The following RAB11FIP4 variants were observed in gnomAD, a reference collection of about 807,000 sequenced individuals.
RAB11FIP4 encodes the protein RAB11 family interacting protein 4.
RAB11FIP4 carries 23 observed loss-of-function variants against 74.3 expected under a neutral mutation model. The observed-to-expected ratio is 0.31, with a 90% CI of 0.22 to 0.44. RAB11FIP4 has a LOEUF of 0.44. Ranked by LOEUF, RAB11FIP4 falls within the 20% of genes least tolerant of loss-of-function variation. The pLI is 1.00. For missense variants in RAB11FIP4, 630 were observed against 863.9 expected (o/e 0.73, Z 3.39); for synonymous variants, 360 against 359.9 (o/e 1.00, Z 0.00).
chr17:31,431,681 C>G (rs767953594), intron 1 of RAB11FIP4, 132 bp from the exon 2 acceptor site: 5 of 710,188 alleles, frequency 7.0e-6, no homozygotes, highest in East Asian at 6.1e-5. Flanking sequence ...TGATACTGAC[C>G]CCAGGGTGAG....
rs1163318493 is a variant in RAB11FIP4, at chr17:31,536,061, A to G, written c.*4329A>G. 6.6e-6 allele frequency: 1 copy of G among 151,478 alleles called. No homozygotes were observed. The highest frequency in any genetic ancestry group is 1.5e-5 in the Non-Finnish European group (1 of 67,938). The allele number at this position is 151,478 out of a possible 1,614,324, so 9.4% of individuals were successfully genotyped here. ...TTGGGGGGGGGGGGCGCGGGGACAGAAGCGCGGGTTCTTGGTTCCAATGAG... is the reference window on the plus strand; with the variant it reads ...TTGGGGGGGGGGGGCGCGGGGACAGGAGCGCGGGTTCTTGGTTCCAATGAG... On this transcript the variant is annotated 3_prime_UTR_variant, in exon 15 of 15. Transcript: ENST00000621161.
In RAB11FIP4 at chr17:31,537,017, T is replaced by C; in HGVS notation, c.*5285T>C. ...CTGGGGATGGCATCCAGGCCATGTC[T>C]CCTGCAGGATCCAAGTGCTGTTGTC... On this transcript the variant is annotated 3_prime_UTR_variant, in exon 15 of 15. Coordinates refer to ENST00000621161, the MANE Select transcript of RAB11FIP4 (RefSeq NM_032932.6). 5.0e-6 allele frequency: 2 copies of C among 399,316 alleles called. No homozygotes were observed. The highest frequency in any genetic ancestry group is 8.8e-6 in the Non-Finnish European group (2 of 226,224). 24.7% of individuals were successfully genotyped at this position (399,316 alleles called of 1,614,324 possible).
At position 31,533,119 on chromosome 17, in the gene RAB11FIP4, T is replaced by G. The variant is rs901767710; in HGVS notation, c.*1387T>G. 1.8e-4 allele frequency: 28 copies of G among 152,200 alleles called. No homozygotes were observed. The highest frequency in any genetic ancestry group is 2.5e-4 in the Non-Finnish European group (17 of 68,050). The allele number at this position is 152,200 out of a possible 1,614,324, so 9.4% of individuals were successfully genotyped here. On this transcript the variant is annotated 3_prime_UTR_variant, in exon 15 of 15. Transcript: ENST00000621161. ...TATGAGAAGGAAGGTTTGGGCATGTTGGGAAGGGCGGTGGAGGGGGAGTTG... is the reference window on the plus strand; with the variant it reads ...TATGAGAAGGAAGGTTTGGGCATGTGGGGAAGGGCGGTGGAGGGGGAGTTG...
rs180937897 is a variant in RAB11FIP4, at chr17:31,524,983, A to G, written c.1134-107A>G. On this transcript the variant is annotated intron_variant, in intron 9 of 14. Coordinates refer to ENST00000621161, the MANE Select transcript of RAB11FIP4 (RefSeq NM_032932.6). Reference sequence around the variant, plus strand: ...CTACTGGCCCACACGCCCTCAGTGGACATGCCAGTGACTCAGGGTCTCGGG... The same window carrying G: ...CTACTGGCCCACACGCCCTCAGTGGGCATGCCAGTGACTCAGGGTCTCGGG... 695 of 1,351,802 alleles carry G rather than the reference A, an allele frequency of 5.1e-4. 1 individual carries two copies. In the Middle Eastern group the frequency reaches 6.5e-3, roughly 13 times the overall value. The allele number at this position is 1,351,802 out of a possible 1,614,324, so 83.7% of individuals were successfully genotyped here. A position where few individuals can be genotyped will look rare whatever the true frequency, so the allele number is the denominator to read the frequency against.
chr17:31,513,352 C>T (rs2072487374), intron 3 of RAB11FIP4, among the ~76,000 whole-genome samples: 1 of 152,226 alleles, frequency 6.6e-6, no homozygotes, highest in African/African-American at 2.4e-5. Flanking sequence ...AAGAAGAGTC[C>T]TAGTATGCTT....
intron 1 of RAB11FIP4, among the ~76,000 whole-genome samples, chr17:31,424,005 G>A (rs1400577266): frequency 6.6e-6 from 1 of 152,040 alleles, no homozygotes; most frequent in Non-Finnish European, 1.5e-5. Flanking sequence ...AAGACCCAGG[G>A]CACTTCTCCC....
chr17:31,507,532 A>G (rs2072373992), intron 3 of RAB11FIP4, among the ~76,000 whole-genome samples: 1 of 152,128 alleles, frequency 6.6e-6, no homozygotes, highest in African/African-American at 2.4e-5. Flanking sequence ...GCCCATTTTT[A>G]AATTGAATTA....
chr17:31,487,951 C>T (rs1269763364), intron 3 of RAB11FIP4: 1 of 750,872 alleles, frequency 1.3e-6, no homozygotes, highest in Middle Eastern at 6.7e-4. Context: ...GGCCGCGTCC[C>T]TGTCCTCCGC....
chr17:31,516,404 G>T (rs532849329), intron 3 of RAB11FIP4, among the ~76,000 whole-genome samples: 1 of 152,068 alleles, frequency 6.6e-6, no homozygotes, highest in African/African-American at 2.4e-5. Flanking sequence ...GGTTCTTAGC[G>T]TCTTGAACAA....
At chr17:31,523,807 T>A in intron 8 of RAB11FIP4, 86 bp from the exon 9 acceptor site, 1 of 1,122,902 alleles carries the variant, frequency 8.9e-7, no homozygotes, top group Non-Finnish European at 1.3e-6. Context: ...GGTTTGGAGG[T>A]CCTGCTCATG....
At chr17:31,434,336 C>G (rs752902053) in intron 3 of RAB11FIP4, among the ~76,000 whole-genome samples, 9 of 152,170 alleles carry the variant, frequency 5.9e-5, no homozygotes, top group Non-Finnish European at 1.0e-4. Flanking sequence ...CCTCACCCAG[C>G]AACTTTATTT....
At chr17:31,467,803 T>A (rs2071699875) in intron 3 of RAB11FIP4, among the ~76,000 whole-genome samples, 1 of 152,196 alleles carries the variant, frequency 6.6e-6, no homozygotes, top group Non-Finnish European at 1.5e-5. Flanking sequence ...TCTTCTCCCA[T>A]CCCTGCTGTG....
At chr17:31,448,233 T>C (rs188893588) in intron 3 of RAB11FIP4, among the ~76,000 whole-genome samples, 4 of 152,070 alleles carry the variant, frequency 2.6e-5, no homozygotes, top group Admixed American at 2.0e-4. Context: ...GTTATTGCTA[T>C]TTTGTTTTCC....
intron 3 of RAB11FIP4, chr17:31,488,225 C>A: frequency 8.8e-7 from 1 of 1,139,788 alleles, no homozygotes; most frequent in Non-Finnish European, 1.1e-6. Flanking sequence ...CGCGCCTCTG[C>A]CGGGGAGCGG....
At chr17:31,438,209 G>T (rs2071377689) in intron 3 of RAB11FIP4, among the ~76,000 whole-genome samples, 1 of 152,080 alleles carries the variant, frequency 6.6e-6, no homozygotes, top group Non-Finnish European at 1.5e-5. Flanking sequence ...TGGGGAGGGG[G>T]CATGGAGACA....
intron 3 of RAB11FIP4, among the ~76,000 whole-genome samples, chr17:31,453,599 T>G (rs2071547496): frequency 6.6e-6 from 1 of 150,392 alleles, no homozygotes; most frequent in African/African-American, 2.4e-5. Context: ...TCAAGGCAGG[T>G]GAATTACATG....
intron 3 of RAB11FIP4, among the ~76,000 whole-genome samples, chr17:31,455,380 A>AG (rs1203258570): frequency 6.6e-6 from 1 of 152,080 alleles, no homozygotes; most frequent in Non-Finnish European, 1.5e-5. Flanking sequence ...GGGACGGGAG[A>AG]GGGGGGCACA....
chr17:31,393,110 A>T (rs971234143), intron 1 of RAB11FIP4, among the ~76,000 whole-genome samples: 1 of 152,234 alleles, frequency 6.6e-6, no homozygotes, highest in Non-Finnish European at 1.5e-5. Context: ...GCACCTGGGC[A>T]TGGGCCGGGA....
chr17:31,477,909 C>T (rs938499464), intron 3 of RAB11FIP4, among the ~76,000 whole-genome samples: 1 of 151,448 alleles, frequency 6.6e-6, no homozygotes, highest in South Asian at 2.1e-4. Flanking sequence ...GTAGGGTTGT[C>T]GGGAGGATTA....
Sources: allele counts gnomAD v4.1 joint callset (sites outside exome capture counted in the v4.1 genomes callset), GRCh38; gene constraint gnomAD v4.1.1; transcripts MANE v1.5; gene names NCBI Gene and HGNC (gene_info 2026-07-23, HGNC 2026-07-21).